Variants in SENP5 observed in about 807,000 individuals in gnomAD.
SENP5 encodes the protein SUMO specific peptidase 5.
Under a neutral mutation model 74.2 loss-of-function variants are expected in SENP5, and 21 were observed. The ratio of observed to expected loss-of-function variants is 0.28; its 90% CI spans 0.20 to 0.41. The LOEUF is 0.41. SENP5 is among the 10% of genes least tolerant of loss of function. The probability of loss-of-function intolerance (pLI) is 1.00; values close to 1 mark genes in which losing one functional copy is unlikely to be tolerated. For missense variants in SENP5, 717 were observed against 889.1 expected (o/e 0.81, Z 2.46); for synonymous variants, 311 against 312.7 (o/e 0.99, Z 0.06).
chr3:196,876,128 A>G (rs1266114355), intron 1 of SENP5, among the ~76,000 whole-genome samples: 1 of 152,212 alleles, frequency 6.6e-6, no homozygotes, highest in African/African-American at 2.4e-5. Context: ...AAAGTAAAAT[A>G]TGATATTCTA....
At chr3:196,887,862 G>A (rs961959969) in intron 2 of SENP5, among the ~76,000 whole-genome samples, 19 of 151,952 alleles carry the variant, frequency 1.3e-4, no homozygotes, top group African/African-American at 4.1e-4. Flanking sequence ...TCTGCTTCCC[G>A]GTTCAAGCAG....
chr3:196,897,760 C>G (rs951832754), intron 2 of SENP5, among the ~76,000 whole-genome samples: 3 of 152,222 alleles, frequency 2.0e-5, no homozygotes, highest in South Asian at 2.1e-4. Context: ...AACCGTCAGA[C>G]TGATGGTTAG....
chr3:196,890,671 G>A (rs566688321), intron 2 of SENP5, among the ~76,000 whole-genome samples: 9 of 152,278 alleles, frequency 5.9e-5, no homozygotes, highest in Non-Finnish European at 1.2e-4. Context: ...TTCTTGCTTC[G>A]CTTTAAAGTT....
chr3:196,885,287 C>T lies in SENP5; in HGVS notation c.106C>T (p.His36Tyr), dbSNP rs201147987. 6.2e-7 allele frequency: 1 copy of T among 1,614,126 alleles called. No individual in the cohort carries two copies. The highest frequency in any genetic ancestry group is 2.2e-5 in the East Asian group (1 of 44,884). The change falls in exon 2 of 10, where the codon CAC becomes TAC. Residue 36 changes from histidine (H) to tyrosine (Y), a missense_variant. Around this residue, in one of 4 missense-constraint regions of SENP5, gnomAD observed 567 missense variants for 577.4 expected, o/e 0.98. Transcript: ENST00000323460. ...CTTTAAGAAGTTTTATTTTCACCAA[C>T]ACTTGTGCATTCTGAAAGCTAAGCT... ...GGFKKFYFHQHLCILKAKLGR... is the reference protein window; with the variant it reads ...GGFKKFYFHQYLCILKAKLGR...
rs139003311 is a variant in SENP5, at chr3:196,931,012, A to G, written c.*89A>G. ...CAAACACTTAGTTGAATTTTTACAG[A>G]TATTTCAGATCAGTGGTGTTGGGCC... On this transcript the variant is annotated 3_prime_UTR_variant, in exon 10 of 10. Transcript: ENST00000323460. 2.5e-3 allele frequency: 2,110 copies of G among 836,882 alleles called. 20 individuals are homozygous for G. In the East Asian group the frequency reaches 0.026, roughly 10 times the overall value. The allele number at this position is 836,882 out of a possible 1,614,324, so 51.8% of individuals were successfully genotyped here.
chr3:196,868,412 T>A (rs969008088), intron 1 of SENP5, among the ~76,000 whole-genome samples: 1 of 152,240 alleles, frequency 6.6e-6, no homozygotes, highest in Non-Finnish European at 1.5e-5. Flanking sequence ...CCGGCCGCCG[T>A]GGAAGTCCGG....
intron 6 of SENP5, chr3:196,914,181 A>G (rs1472709836): frequency 6.6e-6 from 1 of 152,162 alleles, no homozygotes; most frequent in Non-Finnish European, 1.5e-5. Flanking sequence ...TGGATTTTGC[A>G]GACCTTATGG....
At chr3:196,893,985 G>T (rs1400998934) in intron 2 of SENP5, among the ~76,000 whole-genome samples, 1 of 151,782 alleles carries the variant, frequency 6.6e-6, no homozygotes, top group African/African-American at 2.4e-5. Flanking sequence ...AGGAATTATG[G>T]GCTCACTGCC....
At chr3:196,928,316 C>T in intron 8 of SENP5, among the ~76,000 whole-genome samples, 1 of 152,218 alleles carries the variant, frequency 6.6e-6, no homozygotes, top group South Asian at 2.1e-4. Context: ...TTCAGTCCCA[C>T]CACTGTCTGG....
chr3:196,912,636 A>T (rs1715184257), intron 6 of SENP5: 1 of 152,216 alleles, frequency 6.6e-6, no homozygotes, highest in Non-Finnish European at 1.5e-5. Context: ...CCTATGTAAC[A>T]AACCTGCCTG....
Position 196,899,720 on chromosome 3 carries a change from AAG to A in SENP5, c.1570_1571del (p.Glu524SerfsTer10). 1 of 1,611,306 alleles carries A rather than the reference AAG, an allele frequency of 6.2e-7. No individual in the cohort carries two copies. ...GGCAGTTTGGTTCCACTCAGTGAAA[AAG>A]AAGTCCTTGGAAGATTAAAAGATGT... On this transcript the variant is annotated frameshift_variant, in exon 3 of 10. Transcript: ENST00000323460. LOFTEE classifies it high-confidence loss of function.
chr3:196,899,539 TTA>T (rs1440484880), intron 2 of SENP5, 125 bp from the exon 3 acceptor site: 1 of 543,732 alleles, frequency 1.8e-6, no homozygotes, highest in Non-Finnish European at 3.3e-6. Flanking sequence ...AGTATCAATA[TTA>T]TATAGTAATA....
intron 1 of SENP5, among the ~76,000 whole-genome samples, chr3:196,884,198 A>G (rs1713849082): frequency 6.6e-6 from 1 of 152,214 alleles, no homozygotes; most frequent in African/African-American, 2.4e-5. Flanking sequence ...TCAGCATCTC[A>G]AGAGGGAAGC....
At chr3:196,891,418 T>C (rs1465925776) in intron 2 of SENP5, among the ~76,000 whole-genome samples, 4 of 152,146 alleles carry the variant, frequency 2.6e-5, no homozygotes, top group Non-Finnish European at 4.4e-5. Context: ...TTGTGTTCTT[T>C]AATGGGGCAA....
rs375474244 is a variant in SENP5, at chr3:196,891,813, C to T, written c.1513+5119C>T. Among the ~76,000 whole-genome samples, 113 of 152,026 alleles carry T rather than the reference C, an allele frequency of 7.4e-4. 3 individuals carry two copies. The highest frequency in any genetic ancestry group is 2.3e-3 in the East Asian group (12 of 5,158). On this transcript the variant is annotated intron_variant, in intron 2 of 9. Transcript: ENST00000323460. The stretch of plus-strand genomic sequence containing the variant: ...CCTTGTCTCTCTCTTTTTTTTGAGA[C>T]GGAGTCTCACTCTTTCTCCCAGGCT...
In SENP5 at chr3:196,931,207, A is replaced by G. The variant is rs1250842869; in HGVS notation, c.*284A>G. 2 of 253,270 alleles carry G rather than the reference A, an allele frequency of 7.9e-6. No homozygotes were observed. The highest frequency in any genetic ancestry group is 1.5e-5 in the Non-Finnish European group (2 of 132,150). The allele number at this position is 253,270 out of a possible 1,614,324, so 15.7% of individuals were successfully genotyped here. ...CATATAGACAGAGCATGCAGTGAAG[A>G]GTATTAAAAAAAAAAGCTTAGTAGA... On this transcript the variant is annotated 3_prime_UTR_variant, in exon 10 of 10. Transcript: ENST00000323460.
intron 3 of SENP5, 40 bp from the exon 4 acceptor site, chr3:196,899,884 T>C (rs368929347): frequency 6.2e-7 from 1 of 1,604,772 alleles, no homozygotes; most frequent in Non-Finnish European, 8.5e-7. Context: ...GAAGTACTCA[T>C]GTTTTTTTTA....
intron 1 of SENP5, among the ~76,000 whole-genome samples, chr3:196,882,343 A>G (rs1713763666): frequency 6.6e-6 from 1 of 151,992 alleles, no homozygotes; most frequent in South Asian, 2.1e-4. Flanking sequence ...GAACCTTTTT[A>G]TCTTCCCAAA....
intron 6 of SENP5, chr3:196,914,605 ATATATAT>A (rs1715294812): frequency 8.2e-6 from 1 of 122,500 alleles, no homozygotes; most frequent in East Asian, 2.1e-4. Flanking sequence ...ATATATATAT[ATATATAT>A]GTCTACACAC....
Sources: allele counts gnomAD v4.1 joint callset (sites outside exome capture counted in the v4.1 genomes callset), GRCh38; gene constraint gnomAD v4.1.1; regional missense constraint gnomAD v4.1.1; transcripts MANE v1.5; gene names NCBI Gene and HGNC (gene_info 2026-07-23, HGNC 2026-07-21).